USH2A: variants seen among roughly 807,000 people sequenced by gnomAD.
USH2A encodes Usher syndrome 2A (autosomal recessive, mild).
In USH2A, 443 loss-of-function variants were observed where a neutral mutation model predicts 538.9. The observed-to-expected ratio is 0.82, with a 90% confidence interval of 0.76 to 0.89. USH2A has a LOEUF of 0.89. Among genes scored for constraint, USH2A ranks in the 40% least tolerant of loss-of-function variants. The pLI is 0.00. For synonymous variants in USH2A, 2,413 were observed against 2,273.5 expected, an observed-to-expected ratio of 1.06 and a Z score of -1.75; for missense variants, 6,633 against 6,324.8, an observed-to-expected ratio of 1.05 and a Z score of -1.65.
chr1:216,222,048 T>C (rs2035466004), intron 14 of USH2A, among the ~76,000 whole-genome samples: 1 of 152,162 alleles, frequency 6.6e-6, no homozygotes, highest in Non-Finnish European at 1.5e-5. Flanking sequence ...CATTCACCAG[T>C]TTTTCTGAAA....
chr1:216,237,513 A>AG (rs2035851184), intron 13 of USH2A, among the ~76,000 whole-genome samples: 1 of 151,270 alleles, frequency 6.6e-6, no homozygotes, highest in Admixed American at 6.6e-5. Context: ...AAAAAAAAAA[A>AG]AGAAAGAAAA....
chr1:215,677,186 C>T (rs1249086816), intron 62 of USH2A, among the ~76,000 whole-genome samples: 1 of 152,114 alleles, frequency 6.6e-6, no homozygotes, highest in African/African-American at 2.4e-5. Flanking sequence ...ACATGATTTG[C>T]TTTTCCTCCT....
Position 216,051,060 on chromosome 1 carries a change from A to G in USH2A, c.6050-2413T>C, listed in dbSNP as rs559507623. On this transcript the variant is annotated intron_variant, in intron 30 of 71. Coordinates refer to ENST00000307340, the MANE Select transcript of USH2A (RefSeq NM_206933.4). ...TACCGAGAACTCCTTTGTTTCCTTTACTGACTCATGTTCCTCTCACAGTCT... is the reference window on the plus strand; with the variant it reads ...TACCGAGAACTCCTTTGTTTCCTTTGCTGACTCATGTTCCTCTCACAGTCT... Among the ~76,000 whole-genome samples, 11 of 151,742 alleles carry G rather than the reference A, an allele frequency of 7.2e-5. No individual in the cohort carries two copies. In the East Asian group the frequency reaches 2.1e-3, roughly 30 times the overall value.
intron 3 of USH2A, among the ~76,000 whole-genome samples, chr1:216,391,666 T>C (rs1024010890): frequency 1.5e-4 from 23 of 152,180 alleles, no homozygotes; most frequent in African/African-American, 5.5e-4. Flanking sequence ...TTTTAAACAA[T>C]GCCTTGCAGA....
chr1:215,709,667 A>C (rs1007085060), intron 61 of USH2A, among the ~76,000 whole-genome samples: 2 of 133,568 alleles, frequency 1.5e-5, no homozygotes, highest in Non-Finnish European at 1.7e-5. Context: ...AAAAAAAAAA[A>C]AAACTCATTC....
chr1:216,065,766 G>A (rs1215192105), intron 30 of USH2A, among the ~76,000 whole-genome samples: 4 of 152,112 alleles, frequency 2.6e-5, no homozygotes, highest in Non-Finnish European at 4.4e-5. Flanking sequence ...GCGTGGTGAT[G>A]CACACCTGAA....
At chr1:215,853,494 C>G (rs1346873609) in intron 44 of USH2A, among the ~76,000 whole-genome samples, 2 of 152,212 alleles carry the variant, frequency 1.3e-5, no homozygotes, top group Admixed American at 6.5e-5. Flanking sequence ...CTCCTCATTA[C>G]TTAGGTAAAT....
At chr1:215,877,249 C>T (rs1664794992) in intron 43 of USH2A, among the ~76,000 whole-genome samples, 1 of 152,170 alleles carries the variant, frequency 6.6e-6, no homozygotes, top group Admixed American at 6.6e-5. Context: ...TTTCTACTGT[C>T]ACCTATTAGC....
rs147350273 is a variant in USH2A, at chr1:215,850,804, G to A, written c.8846-4771C>T. On this transcript the variant is annotated intron_variant, in intron 44 of 71. Transcript: ENST00000307340. ...GTCCATATGATAAGCCACAAAATGA[G>A]TCTCAACAAATTTAAGAAAATTAAA... 2.7e-3 allele frequency among the ~76,000 whole-genome samples: 406 copies of A among 152,178 alleles called. 1 individual carries two copies. Among genetic ancestry groups the A allele is most frequent in the African/African-American group, 9.3e-3 (386 of 41,498 alleles).
At chr1:215,741,308 G>T in intron 60 of USH2A, 67 bp downstream of exon 60, 1 of 1,534,170 alleles carries the variant, frequency 6.5e-7, no homozygotes, top group Non-Finnish European at 9.0e-7. Context: ...AAATGCTCTT[G>T]ATTCTGCTGT....
chr1:216,052,751 T>C (rs1187475812), intron 30 of USH2A, among the ~76,000 whole-genome samples: 5 of 152,224 alleles, frequency 3.3e-5, no homozygotes, highest in Non-Finnish European at 5.9e-5. Context: ...CATTTTATTG[T>C]TGGAGACACG....
intron 58 of USH2A, among the ~76,000 whole-genome samples, chr1:215,751,632 T>C (rs935974742): frequency 1.3e-5 from 2 of 152,156 alleles, no homozygotes; most frequent in African/African-American, 4.8e-5. Flanking sequence ...TAATTTTCCA[T>C]AATTTTTCAC....
At chr1:215,901,369 C>CT (rs879700607) in intron 38 of USH2A, 3,013 of 169,750 alleles carry the variant, frequency 0.018, 13 homozygotes, top group South Asian at 0.033. Flanking sequence ...CTTTTCCTTT[C>CT]TTTTTTTTTT....
At chr1:216,051,552 GAA>G (rs1468452043) in intron 30 of USH2A, among the ~76,000 whole-genome samples, 2 of 152,148 alleles carry the variant, frequency 1.3e-5, no homozygotes, top group Non-Finnish European at 2.9e-5. Flanking sequence ...AACAAGAAAT[GAA>G]TCAGCCCCCA....
At position 215,813,916 on chromosome 1, in the gene USH2A, A is replaced by C. The variant is rs749994482; in HGVS notation, c.9571-12T>G. 7 of 1,613,448 alleles carry C rather than the reference A, an allele frequency of 4.3e-6. No individual in the cohort carries two copies. The South Asian group carries it at 6.6e-5, about 15-fold the overall frequency. ...CCGTTACAACAAACCTGAAAGTTTG[A>C]AAACAGTTTTAAAGAAATATCAGTT... On this transcript the variant is annotated splice_polypyrimidine_tract_variant and intron_variant, in intron 48 of 71. Coordinates refer to ENST00000307340, the MANE Select transcript of USH2A (RefSeq NM_206933.4).
chr1:216,047,952 C>G (rs2030593910), intron 31 of USH2A, among the ~76,000 whole-genome samples: 1 of 152,158 alleles, frequency 6.6e-6, no homozygotes, highest in Admixed American at 6.5e-5. Context: ...TTAACATATG[C>G]TTTCTGAAAC....
intron 29 of USH2A, among the ~76,000 whole-genome samples, chr1:216,071,950 G>T (rs1374435167): frequency 6.6e-6 from 1 of 152,150 alleles, no homozygotes; most frequent in Non-Finnish European, 1.5e-5. Flanking sequence ...TATGTAGGTA[G>T]AGAGTCTTGA....
chr1:216,409,114 G>T (rs2039440270), intron 3 of USH2A, among the ~76,000 whole-genome samples: 1 of 152,022 alleles, frequency 6.6e-6, no homozygotes, highest in African/African-American at 2.4e-5. Context: ...ATTAGAAGCA[G>T]GTGAAACAAT....
chr1:216,418,377 C>T (rs2039610882), intron 3 of USH2A, 137 bp downstream of exon 3: 2 of 943,634 alleles, frequency 2.1e-6, no homozygotes, highest in Non-Finnish European at 3.2e-6. Context: ...TATTTTTCTT[C>T]TTTAGTTGTC....
Sources: gnomAD v4.1 joint callset for allele counts (sites outside exome capture counted in the v4.1 genomes callset) on GRCh38, gnomAD v4.1.1 for gene constraint, MANE v1.5 for transcripts, NCBI Gene and HGNC (gene_info 2026-07-23, HGNC 2026-07-21) for gene names.